ETS1: variants seen among roughly 807,000 people sequenced by gnomAD.
The protein encoded by ETS1 is ETS proto-oncogene 1, transcription factor.
ETS1 carries 15 observed loss-of-function variants against 58.6 expected under a neutral mutation model. The ratio of observed to expected loss-of-function variants is 0.26; its 90% CI spans 0.17 to 0.39. ETS1 has a LOEUF of 0.39. Among genes scored for constraint, ETS1 ranks in the 10% least tolerant of loss-of-function variants. The pLI is 1.00. For synonymous variants in ETS1, 214 were observed against 218.2 expected, an observed-to-expected ratio of 0.98 and a Z score of 0.17; for missense variants, 417 against 610.5, an observed-to-expected ratio of 0.68 and a Z score of 3.34.
intron 3 of ETS1, among the ~76,000 whole-genome samples, chr11:128,532,728 C>A (rs756289417): frequency 3.3e-5 from 5 of 151,634 alleles, no homozygotes; most frequent in Admixed American, 6.6e-5. Flanking sequence ...TGTTCTTGTT[C>A]TTCTTTTCTC....
chr11:128,471,732 T>G (rs1862192895), intron 8 of ETS1, among the ~76,000 whole-genome samples: 1 of 152,184 alleles, frequency 6.6e-6, no homozygotes, highest in African/African-American at 2.4e-5. Flanking sequence ...CCACTATAAA[T>G]GTACAAAGAA....
chr11:128,574,185 T>G (rs1220419980), intron 1 of ETS1, among the ~76,000 whole-genome samples: 1 of 152,242 alleles, frequency 6.6e-6, no homozygotes, highest in Non-Finnish European at 1.5e-5. Context: ...TATAAAACTA[T>G]ACTGCCTAAG....
In ETS1 at chr11:128,526,763, A is replaced by T. The variant is rs1035073197; in HGVS notation, c.214+29528T>A. ...GAGTCACAGAAAAGTGACAGTTTAA[A>T]TTCTGAAAGAAGATCACATTTGTAG... On this transcript the variant is annotated intron_variant, in intron 3 of 9. Coordinates refer to ENST00000392668, the MANE Select transcript of ETS1 (RefSeq NM_001143820.2). The T allele has an allele frequency of 4.6e-5, 16 of 348,672 alleles. 1 individual carries two copies. Among genetic ancestry groups the T allele is most frequent in the African/African-American group, 3.5e-4 (16 of 45,706 alleles). 21.6% of individuals were successfully genotyped at this position (348,672 alleles called of 1,614,324 possible).
intron 3 of ETS1, among the ~76,000 whole-genome samples, chr11:128,509,093 G>A (rs1439978178): frequency 6.6e-6 from 1 of 152,040 alleles, no homozygotes; most frequent in Non-Finnish European, 1.5e-5. Flanking sequence ...AGATCCTTTG[G>A]AGACTTTGCA....
At chr11:128,578,831 A>G (rs1464455476) in intron 1 of ETS1, among the ~76,000 whole-genome samples, 1 of 152,188 alleles carries the variant, frequency 6.6e-6, no homozygotes, top group African/African-American at 2.4e-5. Flanking sequence ...GATGACTGCC[A>G]AGTATTCTAT....
At chr11:128,534,294 T>C (rs1163355113) in intron 3 of ETS1, among the ~76,000 whole-genome samples, 6 of 152,218 alleles carry the variant, frequency 3.9e-5, no homozygotes, top group Non-Finnish European at 8.8e-5. Context: ...ACCAGTCTTC[T>C]TGGATGTCCC....
chr11:128,540,320 CAAAAAA>C (rs112191021), intron 3 of ETS1, among the ~76,000 whole-genome samples: 51 of 83,938 alleles, frequency 6.1e-4, no homozygotes, highest in Non-Finnish European at 1.0e-3. Context: ...AATTCCATCT[CAAAAAA>C]AAAAAAAAAA....
At chr11:128,487,133 T>C (rs563622276) in intron 5 of ETS1, among the ~76,000 whole-genome samples, 6 of 152,326 alleles carry the variant, frequency 3.9e-5, no homozygotes, top group South Asian at 2.1e-4. Flanking sequence ...CAAACAGCTA[T>C]GTTCTTTTGC....
At chr11:128,522,502 GCCCGCGGCCCA>G (rs1863712475) in intron 3 of ETS1, 14 of 313,528 alleles carry the variant, frequency 4.5e-5, no homozygotes, top group Non-Finnish European at 6.5e-5. Flanking sequence ...GCCAATCTCC[GCCCGCGGCCCA>G]AAGCGAAAGG....
chr11:128,555,103 G>A (rs115266816), intron 3 of ETS1, among the ~76,000 whole-genome samples: 7,157 of 152,210 alleles, frequency 0.047, 562 homozygotes, highest in African/African-American at 0.16. Context: ...AATGGCTATT[G>A]AGTCAAGGGA....
At chr11:128,566,955 G>A (rs1864515977) in intron 2 of ETS1, among the ~76,000 whole-genome samples, 1 of 152,178 alleles carries the variant, frequency 6.6e-6, no homozygotes, top group South Asian at 2.1e-4. Flanking sequence ...AGTGTAAGGT[G>A]CGTTGGCTTC....
intron 8 of ETS1, among the ~76,000 whole-genome samples, chr11:128,467,832 G>C (rs1420899298): frequency 6.6e-6 from 1 of 152,102 alleles, no homozygotes; most frequent in Non-Finnish European, 1.5e-5. Flanking sequence ...CAACAACAGA[G>C]GGGTCCCTGT....
chr11:128,488,684 G>GA (rs1401783560), intron 5 of ETS1, among the ~76,000 whole-genome samples: 2 of 152,166 alleles, frequency 1.3e-5, no homozygotes, highest in Non-Finnish European at 2.9e-5. Context: ...GAGTCACTTG[G>GA]TCCAAAAAGG....
chr11:128,526,592 T>C, intron 3 of ETS1: 1 of 244,512 alleles, frequency 4.1e-6, no homozygotes, highest in Non-Finnish European at 8.1e-6. Flanking sequence ...CAGCGAGAGA[T>C]AGAACAACTA....
chr11:128,514,819 C>G (rs1442124864), intron 3 of ETS1, among the ~76,000 whole-genome samples: 1 of 152,174 alleles, frequency 6.6e-6, no homozygotes, highest in Non-Finnish European at 1.5e-5. Context: ...GCCACCTGAG[C>G]CTGGAATTCC....
chr11:128,515,252 T>TCACACACACACACA (rs34618232), intron 3 of ETS1, among the ~76,000 whole-genome samples: 2 of 150,498 alleles, frequency 1.3e-5, no homozygotes, highest in African/African-American at 4.9e-5. Flanking sequence ...TATCTCTCTG[T>TCACACACACACACA]CACACACACA....
intron 8 of ETS1, among the ~76,000 whole-genome samples, chr11:128,465,762 G>A (rs7926975): frequency 0.22 from 33,812 of 151,492 alleles, 5,392 homozygotes; most frequent in East Asian, 0.47. Flanking sequence ...CACCTACTAC[G>A]CCGCAGACAC....
At chr11:128,573,639 A>T (rs1390420421) in intron 1 of ETS1, among the ~76,000 whole-genome samples, 1 of 152,222 alleles carries the variant, frequency 6.6e-6, no homozygotes, top group East Asian at 1.9e-4. Flanking sequence ...AGAAACAGAT[A>T]AACAGAGAGA....
At position 128,460,116 on chromosome 11, in the gene ETS1, A is replaced by AACATTCACACACATGCAC. The variant is rs1477082905; in HGVS notation, c.*2227_*2244dup. 4.2e-5 allele frequency: 6 copies of AACATTCACACACATGCAC among 142,334 alleles called. No homozygotes were observed. The highest frequency in any genetic ancestry group is 1.3e-4 in the African/African-American group (5 of 39,098). 8.8% of individuals were successfully genotyped at this position (142,334 alleles called of 1,614,324 possible). A position where few individuals can be genotyped will look rare whatever the true frequency, so the allele number is the denominator to read the frequency against. On this transcript the variant is annotated 3_prime_UTR_variant, in exon 10 of 10. Transcript: ENST00000392668. ...CACACACACACACACACACACACAC[A>AACATTCACACACATGCAC]ACATTCACACACATGCACACATTCA...
Sources: allele counts gnomAD v4.1 joint callset (sites outside exome capture counted in the v4.1 genomes callset), GRCh38; gene constraint gnomAD v4.1.1; transcripts MANE v1.5; gene names NCBI Gene and HGNC (gene_info 2026-07-23, HGNC 2026-07-21).